The following SCAPER variants were observed in gnomAD, a reference collection of about 807,000 sequenced individuals.
SCAPER encodes the protein S phase cyclin A-associated protein in the endoplasmic reticulum.
SCAPER carries 98 observed loss-of-function variants against 182.2 expected under a neutral mutation model. The observed-to-expected ratio is 0.54, with a 90% CI of 0.46 to 0.64. The LOEUF is 0.64. SCAPER is among the 30% of genes least tolerant of loss of function. The pLI, the probability that SCAPER is intolerant of heterozygous loss-of-function variation, is 0.00. For synonymous variants in SCAPER, 605 were observed against 564.6 expected (o/e 1.07, Z -1.01); for missense variants, 1,432 against 1,690.0 (o/e 0.85, Z 2.68).
intron 17 of SCAPER, among the ~76,000 whole-genome samples, chr15:76,712,546 G>A (rs988198599): frequency 4.6e-5 from 7 of 152,226 alleles, no homozygotes; most frequent in South Asian, 2.1e-4. Context: ...CCATTTTCAC[G>A]ATATTGATTC....
intron 5 of SCAPER, among the ~76,000 whole-genome samples, chr15:76,838,356 C>A (rs370005002): frequency 3.3e-5 from 5 of 152,144 alleles, no homozygotes; most frequent in African/African-American, 1.2e-4. Context: ...ATTGAGTACG[C>A]ACAGAAACAA....
chr15:76,612,577 C>A (rs1179822094), intron 22 of SCAPER, among the ~76,000 whole-genome samples: 2 of 152,140 alleles, frequency 1.3e-5, no homozygotes, highest in Non-Finnish European at 2.9e-5. Context: ...TCACCAAAGT[C>A]TCAGGATACA....
intron 23 of SCAPER, among the ~76,000 whole-genome samples, chr15:76,542,104 A>G (rs1281270367): frequency 6.6e-6 from 1 of 152,216 alleles, no homozygotes; most frequent in African/African-American, 2.4e-5. Context: ...TTATATGACC[A>G]TATCAAATAA....
At chr15:76,434,412 C>G in intron 25 of SCAPER, 102 bp from the exon 26 acceptor site, 1 of 856,520 alleles carries the variant, frequency 1.2e-6, no homozygotes, top group Non-Finnish European at 1.8e-6. Flanking sequence ...TTTTGACAAT[C>G]TAAAATGTTC....
intron 22 of SCAPER, among the ~76,000 whole-genome samples, chr15:76,590,313 A>AAGCAGCC (rs1278192136): frequency 6.6e-6 from 1 of 152,232 alleles, no homozygotes; most frequent in Non-Finnish European, 1.5e-5. Flanking sequence ...AAGTTTATAT[A>AAGCAGCC]TTTGAATAAG....
intron 14 of SCAPER, among the ~76,000 whole-genome samples, chr15:76,764,415 G>A (rs2062990917): frequency 6.6e-6 from 1 of 152,258 alleles, no homozygotes; most frequent in Non-Finnish European, 1.5e-5. Flanking sequence ...GAGTTTGGTT[G>A]CAGGCATACA....
At chr15:76,872,637 C>T (rs899297445) in intron 2 of SCAPER, among the ~76,000 whole-genome samples, 3 of 151,172 alleles carry the variant, frequency 2.0e-5, no homozygotes, top group African/African-American at 4.9e-5. Flanking sequence ...TAGGTTTGCA[C>T]GCAAACCTAC....
chr15:76,483,848 T>C (rs2051358419), intron 24 of SCAPER, among the ~76,000 whole-genome samples: 1 of 152,124 alleles, frequency 6.6e-6, no homozygotes, highest in South Asian at 2.1e-4. Context: ...ACATCAGAAA[T>C]GCGGGTGAGT....
At chr15:76,651,137 A>T (rs2055000314) in intron 21 of SCAPER, among the ~76,000 whole-genome samples, 1 of 152,130 alleles carries the variant, frequency 6.6e-6, no homozygotes, top group African/African-American at 2.4e-5. Flanking sequence ...TGAAGTAAAT[A>T]CAAGTAAAAA....
At chr15:76,531,135 G>C (rs773439793) in intron 23 of SCAPER, among the ~76,000 whole-genome samples, 80 of 152,118 alleles carry the variant, frequency 5.3e-4, no homozygotes, top group African/African-American at 1.9e-3. Context: ...TAAAAAAGTT[G>C]ATTATAAATC....
At chr15:76,535,377 C>T (rs1348521470) in intron 23 of SCAPER, among the ~76,000 whole-genome samples, 1 of 151,832 alleles carries the variant, frequency 6.6e-6, no homozygotes, top group Admixed American at 6.5e-5. Context: ...CAAAAATTAG[C>T]CAGGCGTGGT....
intron 2 of SCAPER, among the ~76,000 whole-genome samples, chr15:76,880,980 C>T (rs1025717573): frequency 5.9e-5 from 9 of 152,084 alleles, no homozygotes; most frequent in African/African-American, 1.9e-4. Context: ...GCAGCCACTG[C>T]GGAAAACACT....
Position 76,540,951 on chromosome 15 carries a change from T to C in SCAPER, c.2838+33207A>G, listed in dbSNP as rs186142367. Among the ~76,000 whole-genome samples the C allele has an allele frequency of 3.9e-5, 6 of 151,946 alleles. 1 individual carries two copies. Among genetic ancestry groups the C allele is most frequent in the African/African-American group, 1.2e-4 (5 of 41,470 alleles). On this transcript the variant is annotated intron_variant, in intron 23 of 31. Coordinates refer to ENST00000563290, the MANE Select transcript of SCAPER (RefSeq NM_020843.4). ...GCCTGACCAAGATGATGAAACCCCA[T>C]CTCTAATAAAAATACAAAAATTAGC...
chr15:76,634,310 T>C (rs2053408954), intron 21 of SCAPER, among the ~76,000 whole-genome samples: 1 of 152,172 alleles, frequency 6.6e-6, no homozygotes, highest in Non-Finnish European at 1.5e-5. Flanking sequence ...TCATGCCAAC[T>C]GCCTCGTCAG....
chr15:76,607,805 G>A (rs537577696), intron 22 of SCAPER, among the ~76,000 whole-genome samples: 19 of 151,980 alleles, frequency 1.3e-4, no homozygotes, highest in Non-Finnish European at 2.6e-4. Flanking sequence ...CCAGTTGATC[G>A]CATCGGCTAC....
chr15:76,403,787 T>C (rs2044629719), intron 27 of SCAPER, among the ~76,000 whole-genome samples: 1 of 152,126 alleles, frequency 6.6e-6, no homozygotes, highest in African/African-American at 2.4e-5. Flanking sequence ...ATCAGAAAAA[T>C]GGAGGCACTA....
chr15:76,353,760 C>T (rs2040768702), intron 30 of SCAPER, among the ~76,000 whole-genome samples, 189 bp downstream of exon 30: 1 of 152,088 alleles, frequency 6.6e-6, no homozygotes, highest in East Asian at 1.9e-4. Flanking sequence ...TATACAACAC[C>T]CAATCGCAGT....
intron 5 of SCAPER, among the ~76,000 whole-genome samples, chr15:76,813,972 C>T (rs1291850674): frequency 2.6e-5 from 4 of 151,984 alleles, no homozygotes; most frequent in Admixed American, 6.6e-5. Context: ...GTTCGAGATC[C>T]GCCTGGCCAA....
chr15:76,447,032 G>C (rs2048048376), intron 25 of SCAPER, among the ~76,000 whole-genome samples: 1 of 152,144 alleles, frequency 6.6e-6, no homozygotes, highest in Non-Finnish European at 1.5e-5. Context: ...GCACATTTAA[G>C]GTGGACTACG....
Sources: gnomAD v4.1 joint callset for allele counts (sites outside exome capture counted in the v4.1 genomes callset) on GRCh38, gnomAD v4.1.1 for gene constraint, MANE v1.5 for transcripts, NCBI Gene and HGNC (gene_info 2026-07-23, HGNC 2026-07-21) for gene names.